VIRMA: variants seen among roughly 807,000 people sequenced by gnomAD.
The protein encoded by VIRMA is protein virilizer homolog.
In VIRMA, 65 loss-of-function variants were observed where a neutral mutation model predicts 182.4. That is an observed-to-expected ratio of 0.36 (90% CI 0.29 to 0.44). The LOEUF (loss-of-function observed/expected upper bound fraction) is 0.44, where lower values mean the gene tolerates loss of function less well. VIRMA is among the 20% of genes least tolerant of loss of function. The pLI is 1.00. For synonymous variants in VIRMA, 709 were observed against 743.1 expected (o/e 0.95, Z 0.75); for missense variants, 1,752 against 2,158.1 (o/e 0.81, Z 3.73).
rs747885540 is a variant in VIRMA at position 94,529,069 on chromosome 8, C to CCTTCACCTTCTTCATCCT, written c.863_880dup (p.Glu288_Glu293dup). The CCTTCACCTTCTTCATCCT allele has an allele frequency of 3.1e-6, 5 of 1,609,468 alleles. No homozygotes were observed. The highest frequency in any genetic ancestry group is 4.3e-6 in the Non-Finnish European group (5 of 1,176,026). Reference sequence around the variant, plus strand: ...CCAAAGTCCTAGCTAACATAACCCACCTTCACCTTCTTCATCCTCTTCACC... The same window carrying CCTTCACCTTCTTCATCCT: ...CCAAAGTCCTAGCTAACATAACCCACCTTCACCTTCTTCATCCTCTTCACCTTCTTCATCCTCTTCACC... On this transcript the variant is annotated inframe_insertion and splice_region_variant. Coordinates refer to ENST00000297591, the MANE Select transcript of VIRMA (RefSeq NM_015496.5).
At chr8:94,510,910 G>C (rs1814346875) in intron 13 of VIRMA, 3 of 1,144,434 alleles carry the variant, frequency 2.6e-6, no homozygotes, top group Non-Finnish European at 3.5e-6. Context: ...ACATGGTAAG[G>C]TGTGGGGGAA....
At chr8:94,528,196 C>T (rs1425729641) in intron 7 of VIRMA, among the ~76,000 whole-genome samples, 5 of 144,650 alleles carry the variant, frequency 3.5e-5, no homozygotes, top group African/African-American at 1.3e-4. Context: ...CGCACCACTG[C>T]GCTCCAGTCT....
At chr8:94,552,093 G>C (rs992892457) in intron 1 of VIRMA, among the ~76,000 whole-genome samples, 2 of 152,124 alleles carry the variant, frequency 1.3e-5, no homozygotes, top group African/African-American at 4.8e-5. Flanking sequence ...CTCCATTGAG[G>C]GTTTTCTAAA....
At chr8:94,541,296 A>G (rs1289565209) in intron 2 of VIRMA, among the ~76,000 whole-genome samples, 1 of 151,644 alleles carries the variant, frequency 6.6e-6, no homozygotes, top group Non-Finnish European at 1.5e-5. Flanking sequence ...TAATTTTTAA[A>G]TTTTTTGTAG....
intron 5 of VIRMA, among the ~76,000 whole-genome samples, chr8:94,532,771 T>C (rs1297638546): frequency 1.3e-5 from 2 of 151,914 alleles, no homozygotes; most frequent in Non-Finnish European, 2.9e-5. Context: ...TTGAGACTAG[T>C]TTGGGCAACA....
At chr8:94,501,011 C>T (rs1156810302) in intron 16 of VIRMA, among the ~76,000 whole-genome samples, 4 of 151,610 alleles carry the variant, frequency 2.6e-5, no homozygotes, top group African/African-American at 7.3e-5. Flanking sequence ...TTTGGGAGGC[C>T]GAGGCAGGTG....
chr8:94,499,429 T>A lies in VIRMA; in HGVS notation c.4175A>T (p.Glu1392Val). ...AAATTCTAAAAATGAAGATGCAAGC[T>A]CTCCTGTGTCCTTACTAAATGTGCT... ...VVSTFSKDTG[E>V]LASSFLEFMR... is the part of the protein sequence containing the mutation. Residue 1392 changes from glutamate (E) to valine (V), a missense_variant, in exon 17 of 24, where the codon GAG becomes GTG. Around this residue, in one of 11 missense-constraint regions of VIRMA, gnomAD observed 777 missense variants for 920.6 expected, o/e 0.84. Transcript: ENST00000297591. The A allele has an allele frequency of 6.2e-7, 1 of 1,608,510 alleles. No homozygotes were observed. The highest frequency in any genetic ancestry group is 8.5e-7 in the Non-Finnish European group (1 of 1,177,722).
intron 7 of VIRMA, 102 bp from the exon 8 acceptor site, chr8:94,527,465 T>C: frequency 1.3e-6 from 1 of 753,280 alleles, no homozygotes; most frequent in Non-Finnish European, 2.0e-6. Context: ...TTAAAAATGA[T>C]TTCCTCAACA....
chr8:94,515,969 A>G lies in VIRMA; in HGVS notation c.2669-1018T>C, dbSNP rs1039576905. On this transcript the variant is annotated intron_variant, in intron 10 of 23. Transcript: ENST00000297591. ...CTAGAAATACAAAAACTAGCTGGGC[A>G]TGGTAGCACGCACCTGTAGTCCCAG... 7.2e-5 allele frequency among the ~76,000 whole-genome samples: 11 copies of G among 151,776 alleles called. No homozygotes were observed. The East Asian group carries it at 1.8e-3, about 24-fold the overall frequency.
intron 20 of VIRMA, among the ~76,000 whole-genome samples, chr8:94,493,700 T>C (rs531075058): frequency 6.6e-6 from 1 of 152,308 alleles, no homozygotes; most frequent in East Asian, 1.9e-4. Flanking sequence ...TATGTGGTTT[T>C]TTAAAAAAGG....
At chr8:94,543,972 G>T (rs760336789) in intron 1 of VIRMA, 30 bp from the exon 2 acceptor site, 1 of 1,164,234 alleles carries the variant, frequency 8.6e-7, no homozygotes, top group Admixed American at 1.8e-5. Context: ...GGAGGGGGAG[G>T]GGTTCGGAAC....
intron 17 of VIRMA, chr8:94,496,730 C>T: frequency 3.0e-6 from 1 of 333,134 alleles, no homozygotes. Context: ...AACAAAATAC[C>T]GAATGGCAAA....
At position 94,526,681 on chromosome 8, in the gene VIRMA, TAAAA is replaced by T. The variant is rs1475811932; in HGVS notation, c.1559_1562del (p.Phe520Ter). On this transcript the variant is annotated frameshift_variant, in exon 8 of 24. Transcript: ENST00000297591. LOFTEE classifies it high-confidence loss of function. ...CACTTTTTTCATTCTGCCTACCTCTTAAAAAAGCTTCCATTCCTTCTGTCATACT... is the reference window on the plus strand; with the variant it reads ...CACTTTTTTCATTCTGCCTACCTCTTAAGCTTCCATTCCTTCTGTCATACT... 1 of 1,613,922 alleles carries T rather than the reference TAAAA, an allele frequency of 6.2e-7. No homozygotes were observed. The highest frequency in any genetic ancestry group is 1.1e-5 in the South Asian group (1 of 91,066).
At chr8:94,494,105 A>C (rs575678889) in intron 20 of VIRMA, among the ~76,000 whole-genome samples, 2 of 152,288 alleles carry the variant, frequency 1.3e-5, no homozygotes, top group South Asian at 4.1e-4. Context: ...CCGTCAAGTA[A>C]GAAAACAAAG....
intron 16 of VIRMA, among the ~76,000 whole-genome samples, chr8:94,502,968 T>C (rs534052861): frequency 5.3e-5 from 8 of 152,272 alleles, no homozygotes; most frequent in African/African-American, 7.2e-5. Context: ...AAGGATAGTA[T>C]TGAATTATAT....
intron 8 of VIRMA, among the ~76,000 whole-genome samples, chr8:94,520,560 T>A (rs924342496): frequency 6.6e-6 from 1 of 152,208 alleles, no homozygotes; most frequent in Non-Finnish European, 1.5e-5. Flanking sequence ...TTTTCTTACA[T>A]CATTCCCTAC....
At chr8:94,518,395 T>C (rs1381354978) in intron 9 of VIRMA, among the ~76,000 whole-genome samples, 1 of 152,206 alleles carries the variant, frequency 6.6e-6, no homozygotes, top group African/African-American at 2.4e-5. Context: ...TTGCTTTTCA[T>C]AAGCACCCCA....
chr8:94,520,835 G>A (rs1299916012), intron 8 of VIRMA, among the ~76,000 whole-genome samples: 1 of 152,114 alleles, frequency 6.6e-6, no homozygotes. Flanking sequence ...GACTGAATTA[G>A]TATCTCTAGG....
chr8:94,529,283 G>T lies in VIRMA; in HGVS notation c.667C>A (p.Pro223Thr). 4 of 1,613,134 alleles carry T rather than the reference G, an allele frequency of 2.5e-6. No homozygotes were observed. Among genetic ancestry groups the T allele is most frequent in the Non-Finnish European group, 3.4e-6 (4 of 1,179,238 alleles). ...HREDYFEPIS[P>T]DRNSVPQEGQ... ...TCCTGGGGAACAGAATTCCGATCAG[G>T]AGAAATGGGCTCAAAGTAATCTTCT... The change falls in exon 7 of 24, where the codon CCT becomes ACT. Residue 223 changes from proline (P) to threonine (T), a missense_variant. Physicochemically the swap from Pro to Thr is conservative, Grantham distance 38. Around this residue, in one of 11 missense-constraint regions of VIRMA, gnomAD observed 114 missense variants for 106.9 expected, o/e 1.07. Coordinates refer to ENST00000297591, the MANE Select transcript of VIRMA (RefSeq NM_015496.5).
Sources: allele counts gnomAD v4.1 joint callset (sites outside exome capture counted in the v4.1 genomes callset), GRCh38; gene constraint gnomAD v4.1.1; regional missense constraint gnomAD v4.1.1; transcripts MANE v1.5; gene names NCBI Gene and HGNC (gene_info 2026-07-23, HGNC 2026-07-21).